The following KLHL5 variants were observed in gnomAD, a reference collection of about 807,000 sequenced individuals.
The protein encoded by KLHL5 is kelch like family member 5, also known as kelch-like protein 5.
Under a neutral mutation model 77.7 loss-of-function variants are expected in KLHL5, and 48 were observed. The ratio of observed to expected loss-of-function variants is 0.62; its 90% confidence interval spans 0.49 to 0.79. The LOEUF (loss-of-function observed/expected upper bound fraction) is 0.79. Ranked by LOEUF, KLHL5 falls within the 30% of genes least tolerant of loss-of-function variation. The pLI is 0.00. For missense variants in KLHL5, 723 were observed against 859.7 expected, an observed-to-expected ratio of 0.84 and a Z score of 1.99; for synonymous variants, 260 against 297.0, an observed-to-expected ratio of 0.88 and a Z score of 1.28.
intron 5 of KLHL5, among the ~76,000 whole-genome samples, chr4:39,094,919 T>C (rs1401530517): frequency 1.3e-5 from 2 of 152,044 alleles, no homozygotes; most frequent in East Asian, 3.8e-4. Context: ...TGCCAGATAA[T>C]CCAGAAGACT....
At chr4:39,104,459 C>T (rs1721868584) in intron 7 of KLHL5, among the ~76,000 whole-genome samples, 1 of 152,124 alleles carries the variant, frequency 6.6e-6, no homozygotes, top group Non-Finnish European at 1.5e-5. Flanking sequence ...CTTCCCCTCC[C>T]CTACCATGGG....
downstream of KLHL5, chr4:39,126,703 C>A (rs750768875): frequency 2.2e-6 from 1 of 455,236 alleles, no homozygotes; most frequent in Non-Finnish European, 4.4e-6. Flanking sequence ...GGTATTTTCA[C>A]ATACTTTTGA....
intron 7 of KLHL5, among the ~76,000 whole-genome samples, chr4:39,106,694 A>G (rs577189227): frequency 2.6e-5 from 4 of 152,320 alleles, no homozygotes; most frequent in Admixed American, 2.0e-4. Flanking sequence ...AATAGTAGCA[A>G]TGTATGCATC....
chr4:39,076,291 A>G (rs1719031250), intron 2 of KLHL5, 144 bp downstream of exon 2: 1 of 666,608 alleles, frequency 1.5e-6, no homozygotes, highest in Non-Finnish European at 2.5e-6. Flanking sequence ...AACGGTGCAT[A>G]TGAAATTATT....
At chr4:39,058,806 C>T (rs181168656), upstream of KLHL5, among the ~76,000 whole-genome samples, 2 of 152,034 alleles carry the variant, frequency 1.3e-5, no homozygotes. Flanking sequence ...ATTTATTGAG[C>T]ACCTACTGTC....
intron 2 of KLHL5, among the ~76,000 whole-genome samples, chr4:39,080,023 G>A (rs1719461908): frequency 6.6e-6 from 1 of 152,124 alleles, no homozygotes; most frequent in Admixed American, 6.5e-5. Context: ...CAATGCTGGT[G>A]GGGTCTAAAT....
At chr4:39,137,028 C>T in the KLHL5 span, among the ~76,000 whole-genome samples, 1 of 152,122 alleles carries the variant, frequency 6.6e-6, no homozygotes, top group African/African-American at 2.4e-5. Context: ...AAATGAAAGA[C>T]AAGGTTTTCA....
At position 39,121,253 on chromosome 4, in the gene KLHL5, A is replaced by C. The variant is rs531134112; in HGVS notation, c.*187A>C. On this transcript the variant is annotated 3_prime_UTR_variant, in exon 11 of 11. Coordinates refer to ENST00000504108, the MANE Select transcript of KLHL5 (RefSeq NM_015990.5). The stretch of plus-strand genomic sequence containing the variant: ...GGATGGACCAGGATTAATTCCTTTC[A>C]TTTCTTAGTAAATTAAAACCTGCAG... 1.7e-6 allele frequency: 1 copy of C among 586,244 alleles called. No individual in the cohort carries two copies. Among genetic ancestry groups the C allele is most frequent in the Non-Finnish European group, 3.0e-6 (1 of 331,096 alleles). The allele number at this position is 586,244 out of a possible 1,614,324, so 36.3% of individuals were successfully genotyped here.
chr4:39,120,861 A>G, intron 10 of KLHL5, 149 bp from the exon 11 acceptor site: 2 of 602,692 alleles, frequency 3.3e-6, no homozygotes, highest in South Asian at 2.4e-5. Context: ...TGGGAAGGGG[A>G]CCAGGCCAGA....
Position 39,103,352 on chromosome 4 carries a change from G to A in KLHL5, c.1366G>A (p.Gly456Arg), listed in dbSNP as rs199990970. ...GTGGACTCCAGTAGCAAATATGAATGGGAGGAGGCTACAGTTCGGTGTTGC... is the reference window on the plus strand; with the variant it reads ...GTGGACTCCAGTAGCAAATATGAATAGGAGGAGGCTACAGTTCGGTGTTGC... ...NMWTPVANMN[G>R]RRLQFGVAVL... The change falls in exon 7 of 11, where the codon GGG becomes AGG. Residue 456 changes from glycine to arginine, a missense_variant. By Grantham distance (125) the Gly-to-Arg change is moderately radical (BLOSUM62 -2). Around this residue, in one of 3 missense-constraint regions of KLHL5, gnomAD observed 288 missense variants for 400.3 expected, o/e 0.72. Coordinates refer to ENST00000504108, the MANE Select transcript of KLHL5 (RefSeq NM_015990.5). 1 of 1,614,074 alleles carries A rather than the reference G, an allele frequency of 6.2e-7. No homozygotes were observed. The highest frequency in any genetic ancestry group is 8.5e-7 in the Non-Finnish European group (1 of 1,179,986).
chr4:39,129,890 A>C (rs947254301), downstream of KLHL5, among the ~76,000 whole-genome samples: 1 of 152,204 alleles, frequency 6.6e-6, no homozygotes, highest in Non-Finnish European at 1.5e-5. The surrounding 1 kb of genome is among the most constrained non-coding windows in gnomAD (Gnocchi z 4.2). Context: ...ACTGAATATC[A>C]CATGACTGTC....
rs999218546 is a variant in KLHL5 at position 39,115,462 on chromosome 4, G to A, written c.2073+132G>A. 7 of 1,523,644 alleles carry A rather than the reference G, an allele frequency of 4.6e-6. No homozygotes were observed. The Admixed American group carries it at 1.1e-4, about 25-fold the overall frequency. 94.4% of individuals were successfully genotyped at this position (1,523,644 alleles called of 1,614,324 possible). On this transcript the variant is annotated intron_variant, in intron 10 of 10. Coordinates refer to ENST00000504108, the MANE Select transcript of KLHL5 (RefSeq NM_015990.5). ...AAATATGACAATCACGTTTTGATTA[G>A]CGATGAGAAAAAGAGGCAATGTTTA...
At chr4:39,102,190 A>G (rs1012265809) in intron 6 of KLHL5, among the ~76,000 whole-genome samples, 2 of 151,858 alleles carry the variant, frequency 1.3e-5, no homozygotes, top group African/African-American at 4.8e-5. Flanking sequence ...GTGTTAGTCA[A>G]GATTATAATT....
At chr4:39,079,727 A>C (rs6858228) in intron 2 of KLHL5, among the ~76,000 whole-genome samples, 3,379 of 152,248 alleles carry the variant, frequency 0.022, 119 homozygotes, top group African/African-American at 0.077. Flanking sequence ...GTAAGACTCC[A>C]TAAGAGAAGG....
chr4:39,102,525 C>T (rs963313153), intron 6 of KLHL5, among the ~76,000 whole-genome samples: 2 of 152,042 alleles, frequency 1.3e-5, no homozygotes, highest in African/African-American at 4.8e-5. Flanking sequence ...TCCCTCCTCC[C>T]GTGAAAGACA....
At chr4:39,139,129 A>G in the KLHL5 span, among the ~76,000 whole-genome samples, 3 of 152,158 alleles carry the variant, frequency 2.0e-5, no homozygotes, top group Non-Finnish European at 4.4e-5. Flanking sequence ...TAAAAATACA[A>G]AAATTAGCTG....
chr4:39,054,435 G>A (rs1418914366), intron 1 of KLHL5, among the ~76,000 whole-genome samples: 1 of 152,122 alleles, frequency 6.6e-6, no homozygotes, highest in Non-Finnish European at 1.5e-5. Flanking sequence ...GAGTTTTTCT[G>A]ACAACAAAAT....
At chr4:39,077,770 TACTA>T (rs200813142) in intron 2 of KLHL5, among the ~76,000 whole-genome samples, 1,614 of 150,328 alleles carry the variant, frequency 0.011, 45 homozygotes, top group Non-Finnish European at 9.6e-3. Flanking sequence ...GCAATCCCAC[TACTA>T]ACTATCAATT....
At chr4:39,119,654 A>G (rs1723077523) in intron 10 of KLHL5, among the ~76,000 whole-genome samples, 1 of 152,216 alleles carries the variant, frequency 6.6e-6, no homozygotes, top group African/African-American at 2.4e-5. Flanking sequence ...GGACATTTGT[A>G]TAGGCACTAA....
Sources: gnomAD v4.1 joint callset for allele counts (sites outside exome capture counted in the v4.1 genomes callset) on GRCh38, gnomAD v4.1.1 for gene constraint, gnomAD v4.1.1 regional missense constraint, Gnocchi (gnomAD v3.1) non-coding constraint, MANE v1.5 for transcripts, NCBI Gene and HGNC (gene_info 2026-07-23, HGNC 2026-07-21) for gene names.